ROCK1: variants seen among roughly 807,000 people sequenced by gnomAD.
The protein encoded by ROCK1 is rho-associated protein kinase 1.
Under a neutral mutation model 196.8 loss-of-function variants are expected in ROCK1, and 36 were observed. The observed-to-expected ratio is 0.18, with a 90% CI of 0.14 to 0.24. The LOEUF is 0.24. Ranked by LOEUF, ROCK1 falls within the 10% of genes least tolerant of loss-of-function variation. ROCK1 has a pLI of 1.00. For synonymous variants in ROCK1, 443 were observed against 515.9 expected, an observed-to-expected ratio of 0.86 and a Z score of 1.91; for missense variants, 920 against 1,562.0, an observed-to-expected ratio of 0.59 and a Z score of 6.93.
chr18:20,976,798 C>T (rs972204178), intron 22 of ROCK1, among the ~76,000 whole-genome samples: 2 of 152,100 alleles, frequency 1.3e-5, no homozygotes, highest in African/African-American at 4.8e-5. Flanking sequence ...ATCCCATAGG[C>T]ACCTCAAACT....
At position 21,111,361 on chromosome 18, in the gene ROCK1, A is replaced by AGC; in HGVS notation, c.-453_-452dup. ...AGGCGAAAGCAAAGGGCGGGTGAGG[A>AGC]GCTGTGCCAGCTGCGGCCGCCGCTC... On this transcript the variant is annotated 5_prime_UTR_variant, in exon 1 of 33. Coordinates refer to ENST00000399799, the MANE Select transcript of ROCK1 (RefSeq NM_005406.3). The surrounding 1 kb of genome is among the most constrained non-coding windows in gnomAD (Gnocchi z 4.2). 2.4e-6 allele frequency: 1 copy of AGC among 424,044 alleles called. No individual in the cohort carries two copies. Among genetic ancestry groups the AGC allele is most frequent in the Non-Finnish European group, 4.1e-6 (1 of 241,380 alleles). 26.3% of individuals were successfully genotyped at this position (424,044 alleles called of 1,614,324 possible). A position where few individuals can be genotyped will look rare whatever the true frequency, so the allele number is the denominator to read the frequency against.
intron 12 of ROCK1, among the ~76,000 whole-genome samples, chr18:21,017,944 G>C (rs2035878224): frequency 6.6e-6 from 1 of 151,244 alleles, no homozygotes; most frequent in Non-Finnish European, 1.5e-5. Context: ...CTGCACTCCA[G>C]CCTGGGTGAC....
chr18:21,069,175 A>G, intron 2 of ROCK1, among the ~76,000 whole-genome samples: 1 of 152,096 alleles, frequency 6.6e-6, no homozygotes, highest in African/African-American at 2.4e-5. Flanking sequence ...TTGTGAATGG[A>G]TATTAAATTT....
chr18:20,977,670 T>C lies in ROCK1; in HGVS notation c.2654+2240A>G, dbSNP rs1379350117. Among the ~76,000 whole-genome samples the C allele has an allele frequency of 3.9e-5, 6 of 152,176 alleles. No homozygotes were observed. In the East Asian group the frequency reaches 9.6e-4, roughly 24 times the overall value. On this transcript the variant is annotated intron_variant, in intron 22 of 32. Coordinates refer to ENST00000399799, the MANE Select transcript of ROCK1 (RefSeq NM_005406.3). ...GATCCATATATTTGTCTTGAATAGA[T>C]GAAAAAGGGAAAATATATCAACTCT...
intron 5 of ROCK1, chr18:21,045,057 C>G: frequency 1.0e-5 from 2 of 195,174 alleles, no homozygotes; most frequent in East Asian, 9.7e-5. Context: ...AGATGGGTTT[C>G]ACCATGTTGT....
chr18:21,106,341 C>T (rs1188205019), intron 1 of ROCK1, among the ~76,000 whole-genome samples: 2 of 152,192 alleles, frequency 1.3e-5, no homozygotes, highest in Admixed American at 1.3e-4. Flanking sequence ...CTCACTGTGT[C>T]GTCCAGGCTG....
At position 21,054,196 on chromosome 18, in the gene ROCK1, A is replaced by T. The variant is rs1344402271; in HGVS notation, c.176-4316T>A. ...GATATTGTTTCATTATTTCACCATC[A>T]TGATCATGATGGGCTTTAAAAACCA... On this transcript the variant is annotated intron_variant, in intron 2 of 32. Transcript: ENST00000399799. 7.9e-5 allele frequency among the ~76,000 whole-genome samples: 12 copies of T among 152,312 alleles called. 1 individual carries two copies. Among genetic ancestry groups the T allele is most frequent in the Non-Finnish European group, 1.6e-4 (11 of 68,020 alleles).
chr18:21,107,944 C>T (rs2036717513), intron 1 of ROCK1, among the ~76,000 whole-genome samples: 1 of 151,942 alleles, frequency 6.6e-6, no homozygotes, highest in Admixed American at 6.6e-5. Context: ...ATCCCAACTA[C>T]TCGTGGGGGC....
intron 2 of ROCK1, among the ~76,000 whole-genome samples, chr18:21,051,585 G>A (rs2036204348): frequency 6.6e-6 from 1 of 152,186 alleles, no homozygotes; most frequent in South Asian, 2.1e-4. Flanking sequence ...AGGCTGGAGA[G>A]CCCCAGGTAA....
At chr18:21,096,224 G>A (rs941427202) in intron 1 of ROCK1, among the ~76,000 whole-genome samples, 2 of 150,456 alleles carry the variant, frequency 1.3e-5, no homozygotes, top group African/African-American at 4.9e-5. Context: ...TTTTGAGATG[G>A]AGTCTCACTC....
At chr18:20,969,301 G>T in intron 23 of ROCK1, 93 bp from the exon 24 acceptor site, 1 of 685,622 alleles carries the variant, frequency 1.5e-6, no homozygotes. Flanking sequence ...GATAAAGACA[G>T]GTCAGACACT....
At chr18:20,989,781 G>A (rs1298495129) in intron 18 of ROCK1, among the ~76,000 whole-genome samples, 1 of 152,116 alleles carries the variant, frequency 6.6e-6, no homozygotes, top group Non-Finnish European at 1.5e-5. Flanking sequence ...TAAAGAATAG[G>A]ATAGATTGAC....
chr18:21,088,387 T>A (rs2036544074), intron 1 of ROCK1, among the ~76,000 whole-genome samples: 1 of 152,098 alleles, frequency 6.6e-6, no homozygotes, highest in Non-Finnish European at 1.5e-5. Flanking sequence ...TCCCAGCTAC[T>A]CAGGAGAGGC....
At chr18:20,991,559 T>A (rs1424676421) in intron 17 of ROCK1, among the ~76,000 whole-genome samples, 1 of 152,188 alleles carries the variant, frequency 6.6e-6, no homozygotes, top group African/African-American at 2.4e-5. Context: ...TTCAGGACAG[T>A]TCATTGCTAA....
intron 1 of ROCK1, among the ~76,000 whole-genome samples, chr18:21,095,505 G>GGGAT (rs1264387439): frequency 4.6e-5 from 7 of 152,044 alleles, no homozygotes; most frequent in African/African-American, 1.7e-4. Flanking sequence ...TATACACAAT[G>GGGAT]GGATATTATT....
At chr18:21,010,205 C>G (rs1173398391) in intron 13 of ROCK1, among the ~76,000 whole-genome samples, 1 of 152,108 alleles carries the variant, frequency 6.6e-6, no homozygotes, top group East Asian at 1.9e-4. Flanking sequence ...GTTCTCTGCT[C>G]TTATCGTTAC....
chr18:21,017,515 C>T (rs1381303546), intron 12 of ROCK1, among the ~76,000 whole-genome samples: 3 of 151,750 alleles, frequency 2.0e-5, no homozygotes, highest in Non-Finnish European at 2.9e-5. Context: ...TAATTACTTA[C>T]TTGTTTTTCT....
intron 32 of ROCK1, among the ~76,000 whole-genome samples, chr18:20,951,686 T>C (rs2035189464): frequency 6.6e-6 from 1 of 152,222 alleles, no homozygotes; most frequent in Admixed American, 6.5e-5. Flanking sequence ...AGTAAGGTGA[T>C]AATACCTGGC....
rs1455700837 is a variant in ROCK1, at chr18:20,980,693, GATCACAA to G, written c.2560-696_2560-690del. 2.0e-5 allele frequency among the ~76,000 whole-genome samples: 3 copies of G among 152,078 alleles called. No homozygotes were observed. The East Asian group carries it at 5.8e-4, about 29-fold the overall frequency. On this transcript the variant is annotated intron_variant, in intron 21 of 32. Coordinates refer to ENST00000399799, the MANE Select transcript of ROCK1 (RefSeq NM_005406.3). The stretch of plus-strand genomic sequence containing the variant: ...GCACTTTGGGAGGCCAAGGCGGGCA[GATCACAA>G]GGTCAGGAGATTGAGAGCATCCTGG...
Sources: gnomAD v4.1 joint callset for allele counts (sites outside exome capture counted in the v4.1 genomes callset) on GRCh38, gnomAD v4.1.1 for gene constraint, Gnocchi (gnomAD v3.1) non-coding constraint, MANE v1.5 for transcripts, NCBI Gene and HGNC (gene_info 2026-07-23, HGNC 2026-07-21) for gene names.